The following DIAPH2 variants were observed in gnomAD, a reference collection of about 807,000 sequenced individuals.
DIAPH2 encodes the protein protein diaphanous homolog 2.
A neutral mutation model predicts 92.7 loss-of-function variants in DIAPH2; 35 were observed. The observed-to-expected ratio is 0.38, with a 90% CI of 0.29 to 0.50. The LOEUF (loss-of-function observed/expected upper bound fraction) is 0.50. DIAPH2 is among the 20% of genes least tolerant of loss of function. DIAPH2 has a pLI of 0.94. For missense variants in DIAPH2, 701 were observed against 819.5 expected (o/e 0.86, Z 1.77); for synonymous variants, 301 against 280.4 (o/e 1.07, Z -0.73).
chrX:97,407,905 C>T (rs1455763353), intron 25 of DIAPH2, among the ~76,000 whole-genome samples: 1 of 111,787 alleles, frequency 8.9e-6, no homozygotes, highest in Non-Finnish European at 1.9e-5. Context: ...TGAAGTTAAG[C>T]TCTAAGGAAT....
At chrX:97,481,184 T>G (rs2070648120) in intron 26 of DIAPH2, among the ~76,000 whole-genome samples, 1 of 111,832 alleles carries the variant, frequency 8.9e-6, no homozygotes, top group African/African-American at 3.2e-5. Context: ...AGTTTTGTTT[T>G]TACATCTCTG....
intron 10 of DIAPH2, among the ~76,000 whole-genome samples, chrX:96,936,227 C>G (rs761992097): frequency 4.7e-4 from 52 of 111,648 alleles, no homozygotes; most frequent in Non-Finnish European, 7.9e-4. Context: ...AAAAAAGCAT[C>G]TAGAAATTGC....
intron 25 of DIAPH2, among the ~76,000 whole-genome samples, chrX:97,407,575 T>A (rs908633989): frequency 8.9e-6 from 1 of 112,317 alleles, no homozygotes; most frequent in African/African-American, 3.2e-5. Flanking sequence ...ATGAACTGTA[T>A]CTAAGTTTGC....
chrX:97,417,375 TAC>T (rs750360804), intron 25 of DIAPH2, among the ~76,000 whole-genome samples: 3,152 of 103,299 alleles, frequency 0.031, 33 homozygotes, highest in Middle Eastern at 0.044. Context: ...TGGTCACACA[TAC>T]ACACACACAC....
intron 4 of DIAPH2, among the ~76,000 whole-genome samples, chrX:96,794,669 A>C (rs1160447031): frequency 8.9e-6 from 1 of 112,189 alleles, no homozygotes; most frequent in African/African-American, 3.2e-5. Context: ...CTCATTTAAT[A>C]TACAGACTCT....
In DIAPH2 at chrX:97,093,846, C is replaced by T. The variant is rs536474498; in HGVS notation, c.2248-5848C>T. ...CTTCACTGATCTACTTAGTACAGGG[C>T]TAGAACCCCTTGAATAGTTTAATTG... On this transcript the variant is annotated intron_variant, in intron 19 of 26. Transcript: ENST00000324765. 8.1e-5 allele frequency among the ~76,000 whole-genome samples: 9 copies of T among 111,698 alleles called. No individual in the cohort carries two copies. In the East Asian group the frequency reaches 2.2e-3, roughly 28 times the overall value.
chrX:97,417,397 CAT>C (rs1336881243), intron 25 of DIAPH2, among the ~76,000 whole-genome samples: 4 of 107,118 alleles, frequency 3.7e-5, no homozygotes, highest in African/African-American at 7.3e-5. Context: ...CACACACACA[CAT>C]ACACACACAC....
chrX:97,202,587 G>A (rs764183923), intron 22 of DIAPH2, among the ~76,000 whole-genome samples: 11 of 112,234 alleles, frequency 9.8e-5, no homozygotes, highest in Non-Finnish European at 1.7e-4. Flanking sequence ...AGGTAAAGGA[G>A]GGTACTACCT....
At chrX:97,549,007 T>A in intron 26 of DIAPH2, among the ~76,000 whole-genome samples, 1 of 112,641 alleles carries the variant, frequency 8.9e-6, no homozygotes, top group Non-Finnish European at 1.9e-5. Context: ...GACGGGTAAT[T>A]TTCCCAAGTG....
At chrX:96,834,837 C>T (rs1400814466) in intron 4 of DIAPH2, among the ~76,000 whole-genome samples, 2 of 111,378 alleles carry the variant, frequency 1.8e-5, no homozygotes, top group Non-Finnish European at 3.8e-5. Context: ...TAAACATTGC[C>T]TTTACCTTTT....
chrX:96,827,519 T>C (rs1463217338), intron 4 of DIAPH2, among the ~76,000 whole-genome samples: 2 of 111,895 alleles, frequency 1.8e-5, no homozygotes, highest in Non-Finnish European at 3.8e-5. Context: ...GAAGGCTACT[T>C]TTCAAAGGAT....
At chrX:97,515,530 C>G (rs150182185) in intron 26 of DIAPH2, among the ~76,000 whole-genome samples, 1,427 of 112,217 alleles carry the variant, frequency 0.013, 23 homozygotes, top group African/African-American at 0.044. Context: ...CATCTTGGCT[C>G]AGGAACCCAA....
chrX:97,535,164 A>C lies in DIAPH2; in HGVS notation c.3242-64089A>C, dbSNP rs2071086310. 2.7e-5 allele frequency among the ~76,000 whole-genome samples: 3 copies of C among 112,153 alleles called. No individual in the cohort carries two copies. In the South Asian group the frequency reaches 1.1e-3, roughly 42 times the overall value. ...ATGTAAAAACTAAGGAAATTTGCATAAAGTATGGACTTCAGTTAATGATGA... is the reference window on the plus strand; with the variant it reads ...ATGTAAAAACTAAGGAAATTTGCATCAAGTATGGACTTCAGTTAATGATGA... On this transcript the variant is annotated intron_variant, in intron 26 of 26. Transcript: ENST00000324765.
intron 22 of DIAPH2, among the ~76,000 whole-genome samples, chrX:97,167,014 T>TAATATTGGTTTCTGAGATTAACTA (rs2067417123): frequency 8.9e-6 from 1 of 112,420 alleles, no homozygotes; most frequent in Admixed American, 9.4e-5. Context: ...TGAGATTAAC[T>TAATATTGGTTTCTGAGATTAACTA]AATATTGGTG....
chrX:97,007,366 C>T (rs769656753), intron 17 of DIAPH2, among the ~76,000 whole-genome samples: 1 of 111,198 alleles, frequency 9.0e-6, no homozygotes, highest in African/African-American at 3.3e-5. Context: ...GATGAAATCC[C>T]TTAACTTTTG....
chrX:97,159,152 G>A (rs1024031443), intron 22 of DIAPH2, among the ~76,000 whole-genome samples: 12 of 111,806 alleles, frequency 1.1e-4, no homozygotes, highest in Non-Finnish European at 1.9e-4. Context: ...AAGGTTGTCA[G>A]CATTTCCATT....
chrX:97,269,745 A>ATTTTTT (rs199849674), intron 23 of DIAPH2, among the ~76,000 whole-genome samples: 2 of 104,627 alleles, frequency 1.9e-5, no homozygotes, highest in Non-Finnish European at 3.9e-5. Context: ...AGGAGATACT[A>ATTTTTT]TTTTTATTTT....
chrX:96,807,645 G>A (rs1314526618), intron 4 of DIAPH2, among the ~76,000 whole-genome samples: 2 of 109,862 alleles, frequency 1.8e-5, no homozygotes, highest in Admixed American at 2.0e-4. Flanking sequence ...CAGTCTTATG[G>A]CCTCCTGATT....
At chrX:97,413,510 C>G (rs774308052) in intron 25 of DIAPH2, among the ~76,000 whole-genome samples, 9 of 111,310 alleles carry the variant, frequency 8.1e-5, no homozygotes, top group South Asian at 3.9e-4. Context: ...GGGATGCCCT[C>G]TCTCACCACT....
Sources: allele counts gnomAD v4.1 joint callset (sites outside exome capture counted in the v4.1 genomes callset), GRCh38; gene constraint gnomAD v4.1.1; transcripts MANE v1.5; gene names NCBI Gene and HGNC (gene_info 2026-07-23, HGNC 2026-07-21).